SPAG6: variants seen among roughly 807,000 people sequenced by gnomAD.
The protein encoded by SPAG6 is sperm associated antigen 6, also known as sperm-associated antigen 6.
Under a neutral mutation model 58.5 loss-of-function variants are expected in SPAG6, and 49 were observed. The observed-to-expected ratio is 0.84, with a 90% CI of 0.67 to 1.06. SPAG6 has a LOEUF of 1.06. SPAG6 is among the 50% of genes least tolerant of loss of function. The pLI is 0.00. For missense variants in SPAG6, 560 were observed against 611.3 expected (o/e 0.92, Z 0.89); for synonymous variants, 233 against 225.6 (o/e 1.03, Z -0.29).
At chr10:22,387,065 C>A in intron 5 of SPAG6, 106 bp downstream of exon 5, 1 of 783,254 alleles carries the variant, frequency 1.3e-6, no homozygotes, top group Non-Finnish European at 2.1e-6. Context: ...AGCAAATTAT[C>A]ATTGAAAACA....
At chr10:22,409,995 AGCT>A (rs1834689632) in intron 9 of SPAG6, among the ~76,000 whole-genome samples, 1 of 152,142 alleles carries the variant, frequency 6.6e-6, no homozygotes, top group Non-Finnish European at 1.5e-5. Flanking sequence ...CACTTTCCTC[AGCT>A]GCTGATAGCC....
chr10:22,415,518 G>T (rs1834847319), intron 10 of SPAG6, among the ~76,000 whole-genome samples: 1 of 152,124 alleles, frequency 6.6e-6, no homozygotes. Flanking sequence ...TGTTAGGGGA[G>T]AAACATTCTT....
chr10:22,391,527 G>A (rs1337912649), intron 7 of SPAG6, among the ~76,000 whole-genome samples: 5 of 152,122 alleles, frequency 3.3e-5, no homozygotes, highest in East Asian at 3.8e-4. Flanking sequence ...TAGTTGAATC[G>A]TTACCGATAA....
chr10:22,381,737 C>G (rs150451576), intron 4 of SPAG6, among the ~76,000 whole-genome samples: 4 of 152,290 alleles, frequency 2.6e-5, no homozygotes, highest in African/African-American at 9.6e-5. Context: ...CCTGTCTGCT[C>G]TCTTCCCTTC....
intron 4 of SPAG6, among the ~76,000 whole-genome samples, chr10:22,374,639 T>A (rs1833776353): frequency 6.7e-6 from 1 of 149,948 alleles, no homozygotes; most frequent in Non-Finnish European, 1.5e-5. Flanking sequence ...CACCAGATGT[T>A]GTGGTGTGCA....
chr10:22,417,453 C>T lies in SPAG6; in HGVS notation c.*765C>T, dbSNP rs1167725327. 3 of 152,164 alleles carry T rather than the reference C, an allele frequency of 2.0e-5. No individual in the cohort carries two copies. Among genetic ancestry groups the T allele is most frequent in the Non-Finnish European group, 4.4e-5 (3 of 68,038 alleles). The allele number at this position is 152,164 out of a possible 1,614,324, so 9.4% of individuals were successfully genotyped here. A position where few individuals can be genotyped will look rare whatever the true frequency, so the allele number is the denominator to read the frequency against. On this transcript the variant is annotated 3_prime_UTR_variant, in exon 11 of 11. Coordinates refer to ENST00000376624, the MANE Select transcript of SPAG6 (RefSeq NM_012443.4). ...CAGGCATGTAAAATGGATCCTTGTC[C>T]TAACGTCACTTTCCCAAGTTTCAAA...
At chr10:22,399,634 T>G (rs1252148670) in intron 8 of SPAG6, among the ~76,000 whole-genome samples, 2 of 152,238 alleles carry the variant, frequency 1.3e-5, no homozygotes, top group African/African-American at 4.8e-5. Flanking sequence ...ATTATATTTC[T>G]TCCACATGAA....
chr10:22,389,953 A>T (rs751699599), intron 7 of SPAG6, among the ~76,000 whole-genome samples: 7 of 152,040 alleles, frequency 4.6e-5, no homozygotes, highest in Non-Finnish European at 8.8e-5. Context: ...ATAAATATTG[A>T]TCTCTGGACG....
rs147669595 is a variant in SPAG6 at position 22,416,925 on chromosome 10, G to A, written c.*237G>A. 1,405 of 341,052 alleles carry A rather than the reference G, an allele frequency of 4.1e-3. 9 individuals carry two copies. The highest frequency in any genetic ancestry group is 0.014 in the Middle Eastern group (15 of 1,092). 21.1% of individuals were successfully genotyped at this position (341,052 alleles called of 1,614,324 possible). A position where few individuals can be genotyped will look rare whatever the true frequency, so the allele number is the denominator to read the frequency against. ...TTCTACAGGTAGATTTTAAAAACAC[G>A]TTAAAGGGCCTTAAGGCATTTTGTT... On this transcript the variant is annotated 3_prime_UTR_variant, in exon 11 of 11. Coordinates refer to ENST00000376624, the MANE Select transcript of SPAG6 (RefSeq NM_012443.4).
chr10:22,348,763 T>A (rs1027638644), intron 2 of SPAG6, among the ~76,000 whole-genome samples: 7 of 152,240 alleles, frequency 4.6e-5, no homozygotes, highest in Non-Finnish European at 8.8e-5. Context: ...TCCAAAGTAA[T>A]TGCCAAAGCA....
At chr10:22,413,246 A>G (rs1834786832) in intron 10 of SPAG6, among the ~76,000 whole-genome samples, 1 of 151,422 alleles carries the variant, frequency 6.6e-6, no homozygotes, top group East Asian at 1.9e-4. Context: ...AAATTAATCT[A>G]GTGCTGGCCA....
intron 3 of SPAG6, among the ~76,000 whole-genome samples, chr10:22,367,820 A>G (rs941652569): frequency 1.3e-5 from 2 of 152,148 alleles, no homozygotes; most frequent in African/African-American, 4.8e-5. Flanking sequence ...AGTATTTAAA[A>G]TTTACAAAAT....
At chr10:22,367,663 A>T (rs761943858) in intron 3 of SPAG6, among the ~76,000 whole-genome samples, 21 of 152,158 alleles carry the variant, frequency 1.4e-4, no homozygotes, top group South Asian at 6.2e-4. Flanking sequence ...TAACCATAAA[A>T]CCATAGTGAG....
intron 2 of SPAG6, among the ~76,000 whole-genome samples, chr10:22,351,910 C>T (rs984125513): frequency 6.6e-6 from 1 of 152,064 alleles, no homozygotes; most frequent in African/African-American, 2.4e-5. Context: ...TGGGGTCTCA[C>T]GCTTGTAATC....
intron 4 of SPAG6, among the ~76,000 whole-genome samples, chr10:22,377,182 G>A (rs57753470): frequency 0.073 from 11,183 of 152,172 alleles, 1,046 homozygotes; most frequent in African/African-American, 0.22. Context: ...TTCACATGGT[G>A]AAGAACTGAG....
chr10:22,415,619 T>C (rs1834850025), intron 10 of SPAG6, among the ~76,000 whole-genome samples: 1 of 152,186 alleles, frequency 6.6e-6, no homozygotes, highest in Non-Finnish European at 1.5e-5. Flanking sequence ...TATGGCTGTA[T>C]TTTTTGGTCC....
intron 2 of SPAG6, among the ~76,000 whole-genome samples, chr10:22,351,708 C>T (rs1431683789): frequency 6.6e-6 from 1 of 152,148 alleles, no homozygotes; most frequent in Non-Finnish European, 1.5e-5. Flanking sequence ...TTCAGGGCTA[C>T]ATCTTGATAA....
chr10:22,381,399 A>G (rs532930444), intron 4 of SPAG6, among the ~76,000 whole-genome samples: 1 of 152,144 alleles, frequency 6.6e-6, no homozygotes, highest in East Asian at 1.9e-4. Context: ...AGTCCTGACA[A>G]CAGTAGGCCT....
intron 2 of SPAG6, chr10:22,360,734 G>A: frequency 8.1e-7 from 1 of 1,236,452 alleles, no homozygotes; most frequent in South Asian, 1.4e-5. Context: ...GAGCCCCAGT[G>A]ATGTCGTTTG....
Sources: allele counts gnomAD v4.1 joint callset (sites outside exome capture counted in the v4.1 genomes callset), GRCh38; gene constraint gnomAD v4.1.1; transcripts MANE v1.5; gene names NCBI Gene and HGNC (gene_info 2026-07-23, HGNC 2026-07-21).